MECOM: variants seen among roughly 807,000 people sequenced by gnomAD.
MECOM encodes histone-lysine N-methyltransferase MECOM.
Under a neutral mutation model 116.3 loss-of-function variants are expected in MECOM, and 13 were observed. The ratio of observed to expected loss-of-function variants is 0.11; its 90% CI spans 0.07 to 0.18. MECOM has a LOEUF of 0.18. Ranked by LOEUF, MECOM falls within the 10% of genes least tolerant of loss-of-function variation. The pLI, the probability that MECOM is intolerant of heterozygous loss-of-function variation, is 1.00. For synonymous variants in MECOM, 528 were observed against 535.2 expected (o/e 0.99, Z 0.19); for missense variants, 1,299 against 1,509.0 (o/e 0.86, Z 2.31).
At chr3:169,638,264 C>T (rs1773053343) in intron 1 of MECOM, among the ~76,000 whole-genome samples, 1 of 152,074 alleles carries the variant, frequency 6.6e-6, no homozygotes, top group African/African-American at 2.4e-5. Flanking sequence ...AACTACTCAC[C>T]TTCCTCTCAC....
chr3:169,488,685 GT>G (rs1270537302), intron 1 of MECOM, among the ~76,000 whole-genome samples: 1 of 151,968 alleles, frequency 6.6e-6, no homozygotes, highest in East Asian at 1.9e-4. Context: ...CACAACTCAT[GT>G]TTAGAAATTT....
intron 1 of MECOM, among the ~76,000 whole-genome samples, chr3:169,466,269 G>A (rs1032528243): frequency 1.3e-5 from 2 of 152,158 alleles, no homozygotes; most frequent in African/African-American, 2.4e-5. Flanking sequence ...TTTAGAAGCA[G>A]GTCCTTCTCA....
chr3:169,455,865 G>A (rs918708209), intron 1 of MECOM, among the ~76,000 whole-genome samples: 1 of 152,118 alleles, frequency 6.6e-6, no homozygotes, highest in African/African-American at 2.4e-5. Flanking sequence ...TGCTCTTATT[G>A]GTTTGACGTG....
intron 2 of MECOM, among the ~76,000 whole-genome samples, chr3:169,375,610 C>G (rs1173865534): frequency 1.3e-5 from 2 of 151,876 alleles, no homozygotes; most frequent in Admixed American, 1.3e-4. Flanking sequence ...ACAAATACAC[C>G]CTCCAAAGGC....
At chr3:169,116,812 GGTT>G in intron 7 of MECOM, 73 bp from the exon 8 acceptor site, 1 of 1,492,922 alleles carries the variant, frequency 6.7e-7, no homozygotes, top group Non-Finnish European at 8.9e-7. Context: ...TATCACAATT[GGTT>G]TACTCAAAAT....
chr3:169,461,065 T>C (rs1747360300), intron 1 of MECOM, among the ~76,000 whole-genome samples: 1 of 152,032 alleles, frequency 6.6e-6, no homozygotes, highest in African/African-American at 2.4e-5. Flanking sequence ...AATGTTTTCT[T>C]TTTTTTTCTA....
rs549149226 is a variant in MECOM, at chr3:169,120,740, C to T, written c.1132+316G>A. On this transcript the variant is annotated intron_variant, in intron 7 of 16. Transcript: ENST00000651503. ...TGCTTTACAAAGCCATGAACATTTA[C>T]AATATGAGACAAATCTGATTGTCCT... 9 of 190,598 alleles carry T rather than the reference C, an allele frequency of 4.7e-5. No homozygotes were observed. The South Asian group carries it at 1.5e-3, about 32-fold the overall frequency. 11.8% of individuals were successfully genotyped at this position (190,598 alleles called of 1,614,324 possible). A position where few individuals can be genotyped will look rare whatever the true frequency, so the allele number is the denominator to read the frequency against.
intron 1 of MECOM, among the ~76,000 whole-genome samples, chr3:169,615,389 T>C (rs1214122892): frequency 1.3e-5 from 2 of 152,238 alleles, no homozygotes; most frequent in South Asian, 2.1e-4. Flanking sequence ...GAGAACTAAA[T>C]TAAAAGTTAT....
At chr3:169,142,260 T>C (rs2149277426) in intron 3 of MECOM, among the ~76,000 whole-genome samples, 1 of 152,080 alleles carries the variant, frequency 6.6e-6, no homozygotes, top group South Asian at 2.1e-4. Context: ...ACAACAGTTT[T>C]ATCTGTCTAA....
intron 1 of MECOM, among the ~76,000 whole-genome samples, chr3:169,646,040 G>C (rs1219850207): frequency 1.3e-5 from 2 of 152,078 alleles, no homozygotes; most frequent in Non-Finnish European, 2.9e-5. Context: ...ATGGCTTCCA[G>C]CTTCATCCAT....
rs1188070122 is a variant in MECOM, at chr3:169,476,191, C to A, written c.38-94667G>T. Among the ~76,000 whole-genome samples the A allele has an allele frequency of 1.3e-5, 2 of 152,170 alleles. 1 individual carries two copies. Among genetic ancestry groups the A allele is most frequent in the South Asian group, 4.1e-4 (2 of 4,820 alleles). On this transcript the variant is annotated intron_variant, in intron 1 of 16. Coordinates refer to ENST00000651503, the MANE Select transcript of MECOM (RefSeq NM_004991.4). ...ACCTCCTGGGCACAACAGTGGCCCACTAATAAAATGAAATGATAGCATATG... is the reference window on the plus strand; with the variant it reads ...ACCTCCTGGGCACAACAGTGGCCCAATAATAAAATGAAATGATAGCATATG...
intron 1 of MECOM, among the ~76,000 whole-genome samples, chr3:169,527,804 G>T (rs1483959140): frequency 6.6e-6 from 1 of 152,092 alleles, no homozygotes; most frequent in Non-Finnish European, 1.5e-5. Flanking sequence ...ACTGGAAAAA[G>T]ATATGTGAGA....
In MECOM at chr3:169,100,793, T is replaced by G. The variant is rs956109612; in HGVS notation, c.2849+92A>C. ...GACACGCATAAAATTTAAACTTTAA[T>G]TATTATAAACTTTAATTATTATTTT... On this transcript the variant is annotated intron_variant, in intron 12 of 16. Coordinates refer to ENST00000651503, the MANE Select transcript of MECOM (RefSeq NM_004991.4). 3.9e-5 allele frequency: 28 copies of G among 721,744 alleles called. 1 individual carries two copies. In the African/African-American group the frequency reaches 4.4e-4, roughly 11 times the overall value. 44.7% of individuals were successfully genotyped at this position (721,744 alleles called of 1,614,324 possible).
intron 1 of MECOM, among the ~76,000 whole-genome samples, chr3:169,557,941 C>T (rs1308219156): frequency 6.6e-6 from 1 of 152,160 alleles, no homozygotes; most frequent in African/African-American, 2.4e-5. Flanking sequence ...GTACTTAAGG[C>T]TTGGCTACTG....
chr3:169,555,953 T>C (rs543841010), intron 1 of MECOM, among the ~76,000 whole-genome samples: 1 of 152,236 alleles, frequency 6.6e-6, no homozygotes, highest in Non-Finnish European at 1.5e-5. Context: ...GTCATGAACA[T>C]CAGTGGTCTA....
intron 1 of MECOM, among the ~76,000 whole-genome samples, chr3:169,552,453 T>G (rs187248000): frequency 6.6e-6 from 1 of 152,154 alleles, no homozygotes; most frequent in Admixed American, 6.5e-5. Context: ...TACTATACAT[T>G]GGTCACTGTT....
At chr3:169,418,292 A>T (rs187826310) in intron 1 of MECOM, among the ~76,000 whole-genome samples, 67 of 152,232 alleles carry the variant, frequency 4.4e-4, no homozygotes, top group Middle Eastern at 3.4e-3. Flanking sequence ...AGGACCAGAC[A>T]GATTCACAGC....
At chr3:169,496,348 A>G (rs752855067) in intron 1 of MECOM, among the ~76,000 whole-genome samples, 90 of 152,238 alleles carry the variant, frequency 5.9e-4, no homozygotes, top group Non-Finnish European at 1.5e-4. Context: ...TCCCTTAGCT[A>G]AGAGCTTTTG....
chr3:169,419,277 C>T (rs1290276576), intron 1 of MECOM, among the ~76,000 whole-genome samples: 1 of 152,144 alleles, frequency 6.6e-6, no homozygotes, highest in African/African-American at 2.4e-5. Flanking sequence ...ATTCCGTGCT[C>T]ATGGATAGGA....
Sources: allele counts gnomAD v4.1 joint callset (sites outside exome capture counted in the v4.1 genomes callset), GRCh38; gene constraint gnomAD v4.1.1; transcripts MANE v1.5; gene names NCBI Gene and HGNC (gene_info 2026-07-23, HGNC 2026-07-21).